Variants in ABLIM3 observed in about 807,000 individuals in gnomAD.
The protein encoded by ABLIM3 is actin-binding LIM protein 3.
A neutral mutation model predicts 109.5 loss-of-function variants in ABLIM3; 61 were observed. The observed-to-expected ratio is 0.56, with a 90% CI of 0.45 to 0.69. ABLIM3 has a LOEUF of 0.69. ABLIM3 is among the 30% of genes least tolerant of loss of function. The probability of loss-of-function intolerance (pLI) is 0.00; values close to 1 mark genes in which losing one functional copy is unlikely to be tolerated. For synonymous variants in ABLIM3, 300 were observed against 324.8 expected, an observed-to-expected ratio of 0.92 and a Z score of 0.82; for missense variants, 796 against 889.5, an observed-to-expected ratio of 0.89 and a Z score of 1.34.
intron 15 of ABLIM3, 123 bp from the exon 16 acceptor site, chr5:149,244,758 G>C: frequency 8.0e-7 from 1 of 1,244,796 alleles, no homozygotes; most frequent in Non-Finnish European, 1.2e-6. Context: ...TTCTAACAGA[G>C]AGCCCTGATC....
At chr5:149,200,457 T>C in intron 5 of ABLIM3, 29 bp downstream of exon 5, 1 of 1,600,538 alleles carries the variant, frequency 6.2e-7, no homozygotes, top group East Asian at 2.2e-5. Flanking sequence ...TATCTCCCTG[T>C]CCATGGGTGT....
At chr5:149,200,569 C>G (rs973036123) in intron 5 of ABLIM3, 141 bp downstream of exon 5, 19 of 756,004 alleles carry the variant, frequency 2.5e-5, no homozygotes, top group South Asian at 3.4e-5. Context: ...CATCATGACC[C>G]CATTGGCATG....
chr5:149,226,009 T>G, intron 8 of ABLIM3, among the ~76,000 whole-genome samples: 1 of 128,310 alleles, frequency 7.8e-6, no homozygotes, highest in African/African-American at 3.5e-5. Context: ...TATATATATA[T>G]ATATATATAT....
intron 5 of ABLIM3, 136 bp downstream of exon 5, chr5:149,200,564 T>A: frequency 1.3e-6 from 1 of 778,356 alleles, no homozygotes; most frequent in Non-Finnish European, 2.1e-6. Context: ...TCCTGCATCA[T>A]GACCCCATTG....
chr5:149,194,118 A>C (rs1262969902), intron 3 of ABLIM3, among the ~76,000 whole-genome samples: 3 of 151,386 alleles, frequency 2.0e-5, no homozygotes, highest in Non-Finnish European at 4.4e-5. Flanking sequence ...TCATCCAAAA[A>C]CAAGAAAAGG....
Position 149,239,805 on chromosome 5 carries a change from C to T in ABLIM3, c.1121C>T (p.Pro374Leu), listed in dbSNP as rs142716823. ...LDLRQRRASS[P>L]GYIDSPTYSR... ...CTCCGGCAGAGACGGGCCTCCAGCC[C>T]GGGGTACATAGACTCCCCCACCTAC... Residue 374 changes from proline to leucine, a missense_variant, in exon 13 of 24, where the codon CCG (proline) becomes CTG (leucine). By Grantham distance (98) the Pro-to-Leu change is moderately conservative. Transcript: ENST00000309868. The T allele has an allele frequency of 2.2e-5, 35 of 1,609,284 alleles. No homozygotes were observed. The highest frequency in any genetic ancestry group is 5.0e-5 in the Admixed American group (3 of 59,456).
At chr5:149,202,265 C>A (rs79455066) in intron 5 of ABLIM3, among the ~76,000 whole-genome samples, 4 of 152,092 alleles carry the variant, frequency 2.6e-5, no homozygotes, top group Non-Finnish European at 4.4e-5. Context: ...ATGTGTCCAC[C>A]ATAATTTGGA....
intron 2 of ABLIM3, among the ~76,000 whole-genome samples, chr5:149,162,213 G>C (rs1754437396): frequency 6.6e-6 from 1 of 152,082 alleles, no homozygotes; most frequent in Non-Finnish European, 1.5e-5. Flanking sequence ...TATTACTTTT[G>C]GTTGCTGGCT....
At chr5:149,229,807 A>C (rs1332213582) in intron 8 of ABLIM3, among the ~76,000 whole-genome samples, 2 of 152,174 alleles carry the variant, frequency 1.3e-5, no homozygotes, top group African/African-American at 4.8e-5. Context: ...GCTTCTCAAC[A>C]TGTGAGCAGC....
At position 149,259,585 on chromosome 5, in the gene ABLIM3, A is replaced by G. The variant is rs1288037302; in HGVS notation, c.*1181A>G. ...GAGTGGCTGCTTATGAGATTCCAAA[A>G]TGAAGTGTTGGCCAACACCGCTCAT... On this transcript the variant is annotated 3_prime_UTR_variant, in exon 24 of 24. Transcript: ENST00000309868. 6.5e-7 allele frequency: 1 copy of G among 1,536,072 alleles called. No individual in the cohort carries two copies.
intron 5 of ABLIM3, among the ~76,000 whole-genome samples, chr5:149,206,329 T>C (rs888621957): frequency 1.3e-5 from 2 of 152,200 alleles, no homozygotes; most frequent in Admixed American, 6.5e-5. Flanking sequence ...AGGCACATGT[T>C]CGATGTGTGA....
At chr5:149,190,151 C>T (rs1448651198) in intron 3 of ABLIM3, among the ~76,000 whole-genome samples, 1 of 152,130 alleles carries the variant, frequency 6.6e-6, no homozygotes, top group Non-Finnish European at 1.5e-5. Flanking sequence ...ATGCTCAAAA[C>T]AGGCATATTA....
chr5:149,221,078 T>C (rs564643945), intron 8 of ABLIM3: 1 of 152,238 alleles, frequency 6.6e-6, no homozygotes, highest in Non-Finnish European at 1.5e-5. Context: ...CCAGGGAAGG[T>C]GCCCCTAAAA....
At chr5:149,184,729 A>G (rs1756785833) in intron 3 of ABLIM3, among the ~76,000 whole-genome samples, 1 of 152,242 alleles carries the variant, frequency 6.6e-6, no homozygotes, top group Non-Finnish European at 1.5e-5. Flanking sequence ...TTGAATTTAA[A>G]GTCGGTTGAA....
At chr5:149,240,242 C>T (rs776477932) in intron 13 of ABLIM3, among the ~76,000 whole-genome samples, 17 of 152,208 alleles carry the variant, frequency 1.1e-4, no homozygotes, top group Non-Finnish European at 2.2e-4. Context: ...TATGAACTGG[C>T]CTTCACCCAA....
intron 10 of ABLIM3, among the ~76,000 whole-genome samples, chr5:149,234,815 A>G (rs1273052159): frequency 6.6e-6 from 1 of 152,212 alleles, no homozygotes; most frequent in Non-Finnish European, 1.5e-5. Context: ...TGTTTCCAGA[A>G]GAGAGTTACT....
At chr5:149,169,590 T>C (rs1391142126) in intron 2 of ABLIM3, among the ~76,000 whole-genome samples, 1 of 152,198 alleles carries the variant, frequency 6.6e-6, no homozygotes, top group African/African-American at 2.4e-5. Flanking sequence ...GGTCACAACC[T>C]TTCTCAAAAG....
At position 149,258,329 on chromosome 5, in the gene ABLIM3, C is replaced by T. The variant is rs1390120069; in HGVS notation, c.1977C>T (p.Gly659=). The T allele has an allele frequency of 2.5e-6, 4 of 1,613,894 alleles. No individual in the cohort carries two copies. Among genetic ancestry groups the T allele is most frequent in the Non-Finnish European group, 2.5e-6 (3 of 1,180,004 alleles). ...LSQEEFYQVF[G]MTISEFDRLA... ...AGGAAGAGTTCTACCAAGTCTTTGG[C>T]ATGACCATCTCTGAGTTTGACCGGC... Residue 659 remains glycine (G), a synonymous_variant, in exon 24 of 24, where the codon GGC becomes GGT. Coordinates refer to ENST00000309868, the MANE Select transcript of ABLIM3 (RefSeq NM_014945.5).
At chr5:149,148,435 C>T (rs2127430383) in intron 2 of ABLIM3, among the ~76,000 whole-genome samples, 1 of 152,314 alleles carries the variant, frequency 6.6e-6, no homozygotes, top group South Asian at 2.1e-4. Flanking sequence ...AGGAGGGAAA[C>T]TGGCCAATCA....
Sources: allele counts gnomAD v4.1 joint callset (sites outside exome capture counted in the v4.1 genomes callset), GRCh38; gene constraint gnomAD v4.1.1; transcripts MANE v1.5; gene names NCBI Gene and HGNC (gene_info 2026-07-23, HGNC 2026-07-21).